LMBR1: variants seen among roughly 807,000 people sequenced by gnomAD.
The protein encoded by LMBR1 is limb region 1 protein homolog.
Under a neutral mutation model 73.9 loss-of-function variants are expected in LMBR1, and 52 were observed. The observed-to-expected ratio is 0.70, with a 90% CI of 0.56 to 0.89. The LOEUF (loss-of-function observed/expected upper bound fraction) is 0.89, where lower values mean the gene tolerates loss of function less well. Ranked by LOEUF, LMBR1 falls within the 40% of genes least tolerant of loss-of-function variation. The pLI is 0.00. For missense variants in LMBR1, 539 were observed against 579.8 expected (o/e 0.93, Z 0.72); for synonymous variants, 215 against 209.4 (o/e 1.03, Z -0.23).
At chr7:156,852,942 CTTTT>C (rs879843032) in intron 1 of LMBR1, among the ~76,000 whole-genome samples, 1 of 144,004 alleles carries the variant, frequency 6.9e-6, no homozygotes, top group South Asian at 2.2e-4. Context: ...ACAAATAATG[CTTTT>C]TTTTTTTTTT....
rs1263044302 is a variant in LMBR1, at chr7:156,681,185, C to T, written c.*2893G>A. The T allele has an allele frequency of 2.2e-6, 1 of 453,932 alleles. No homozygotes were observed. Among genetic ancestry groups the T allele is most frequent in the East Asian group, 7.0e-5 (1 of 14,294 alleles). 28.1% of individuals were successfully genotyped at this position (453,932 alleles called of 1,614,324 possible). ...CCTGTAAATGATGAAAACCTGTGTC[C>T]CTGGCAGACGAGGTCATCACTGAGG... On this transcript the variant is annotated 3_prime_UTR_variant, in exon 17 of 17. Transcript: ENST00000353442.
At chr7:156,759,565 T>C (rs1159039040) in intron 8 of LMBR1, among the ~76,000 whole-genome samples, 2 of 152,212 alleles carry the variant, frequency 1.3e-5, no homozygotes, top group Non-Finnish European at 1.5e-5. Context: ...ATAGTGTTTA[T>C]TGCTAGCATA....
At chr7:156,719,799 G>A (rs1052178722) in intron 15 of LMBR1, among the ~76,000 whole-genome samples, 27 of 152,154 alleles carry the variant, frequency 1.8e-4, no homozygotes, top group East Asian at 1.7e-3. Flanking sequence ...AAATAATGCC[G>A]CATTATCTAC....
chr7:156,870,601 T>C (rs1799130378), intron 1 of LMBR1, among the ~76,000 whole-genome samples: 1 of 151,788 alleles, frequency 6.6e-6, no homozygotes, highest in South Asian at 2.1e-4. Context: ...CCATCTCTAC[T>C]AAAAATACAA....
chr7:156,878,802 C>G (rs953876000), intron 1 of LMBR1, among the ~76,000 whole-genome samples: 5 of 152,162 alleles, frequency 3.3e-5, no homozygotes, highest in African/African-American at 1.2e-4. Flanking sequence ...TGATTTCAAA[C>G]TATACTATAA....
chr7:156,729,474 T>A (rs1168184019), intron 10 of LMBR1, among the ~76,000 whole-genome samples: 2 of 111,324 alleles, frequency 1.8e-5, no homozygotes, highest in Non-Finnish European at 3.5e-5. Flanking sequence ...TCCCTTCTAT[T>A]CTTTTTTTTT....
intron 4 of LMBR1, among the ~76,000 whole-genome samples, chr7:156,818,015 A>G (rs1391209391): frequency 6.6e-6 from 1 of 152,216 alleles, no homozygotes; most frequent in African/African-American, 2.4e-5. Context: ...AATATCCAGT[A>G]ACTATCTTGA....
chr7:156,851,411 G>C (rs991630214), intron 1 of LMBR1, among the ~76,000 whole-genome samples: 3 of 152,162 alleles, frequency 2.0e-5, no homozygotes, highest in African/African-American at 7.2e-5. Flanking sequence ...CCCTTAGCAA[G>C]GGGTAAATAT....
In LMBR1 at chr7:156,808,416, T is replaced by C. The variant is rs1021179928; in HGVS notation, c.320-11924A>G. Among the ~76,000 whole-genome samples the C allele has an allele frequency of 6.2e-4, 95 of 152,288 alleles. 1 individual carries two copies. Among genetic ancestry groups the C allele is most frequent in the Admixed American group, 4.0e-3 (61 of 15,300 alleles). On this transcript the variant is annotated intron_variant, in intron 4 of 16. Coordinates refer to ENST00000353442, the MANE Select transcript of LMBR1 (RefSeq NM_022458.4). ...TATAGCCACTCCAACTTTGCTCTGT[T>C]TAAAATTAGCATGGTGTATCTTTTT... is the stretch of plus-strand genomic sequence containing the variant.
intron 4 of LMBR1, chr7:156,822,967 C>G (rs1021568957): frequency 6.6e-6 from 1 of 151,944 alleles, no homozygotes; most frequent in Admixed American, 6.6e-5. Flanking sequence ...TAAAAATGAT[C>G]TGGGCGTGGT....
rs894079365 is a variant in LMBR1, at chr7:156,893,074, A to G, written c.-81T>C. On this transcript the variant is annotated 5_prime_UTR_variant, in exon 1 of 17. Transcript: ENST00000353442. ...GTCCGCCCGCCGCAGGGGCTCGGAC[A>G]GCCGCGCCGGGGACCGGAGCCGGCA... The G allele has an allele frequency of 6.9e-5, 91 of 1,310,302 alleles. No homozygotes were observed. The highest frequency in any genetic ancestry group is 7.9e-5 in the Non-Finnish European group (81 of 1,028,530). The allele number at this position is 1,310,302 out of a possible 1,614,324, so 81.2% of individuals were successfully genotyped here. A position where few individuals can be genotyped will look rare whatever the true frequency, so the allele number is the denominator to read the frequency against.
intron 4 of LMBR1, among the ~76,000 whole-genome samples, chr7:156,804,412 C>G (rs1831627305): frequency 6.6e-6 from 1 of 152,178 alleles, no homozygotes; most frequent in Non-Finnish European, 1.5e-5. Flanking sequence ...ATACATAGGT[C>G]ATATGGTAGA....
At chr7:156,847,461 A>C (rs1193527879) in intron 1 of LMBR1, among the ~76,000 whole-genome samples, 3 of 152,166 alleles carry the variant, frequency 2.0e-5, no homozygotes, top group Non-Finnish European at 1.5e-5. Flanking sequence ...AAAACTTAAA[A>C]CTTGTGCTCT....
chr7:156,791,452 A>T (rs1443685108), intron 5 of LMBR1, among the ~76,000 whole-genome samples: 2 of 152,182 alleles, frequency 1.3e-5, no homozygotes, highest in East Asian at 3.8e-4. Context: ...GGGGGGAAAA[A>T]GTCATCTGGT....
chr7:156,714,746 C>T (rs1020913422), intron 15 of LMBR1, among the ~76,000 whole-genome samples: 2 of 152,074 alleles, frequency 1.3e-5, no homozygotes, highest in African/African-American at 4.8e-5. Context: ...GGACTCTATA[C>T]ACCAGAAAGG....
At chr7:156,757,142 C>G (rs1822046929) in intron 8 of LMBR1, among the ~76,000 whole-genome samples, 1 of 152,068 alleles carries the variant, frequency 6.6e-6, no homozygotes, top group African/African-American at 2.4e-5. Flanking sequence ...TTTTAAACAG[C>G]CAAAAAGCTA....
chr7:156,728,251 G>A (rs1298425728), intron 11 of LMBR1, among the ~76,000 whole-genome samples: 1 of 152,148 alleles, frequency 6.6e-6, no homozygotes, highest in Admixed American at 6.6e-5. Context: ...TTTACTAAGT[G>A]ATCTCACCAA....
At chr7:156,728,544 G>T in intron 11 of LMBR1, 100 bp downstream of exon 11, 1 of 787,996 alleles carries the variant, frequency 1.3e-6, no homozygotes, top group Non-Finnish European at 2.0e-6. Flanking sequence ...TAGAAAACTA[G>T]TTTATGAAAA....
intron 4 of LMBR1, among the ~76,000 whole-genome samples, chr7:156,811,394 G>C (rs908412404): frequency 6.6e-6 from 1 of 151,598 alleles, no homozygotes; most frequent in Non-Finnish European, 1.5e-5. Context: ...GGTGGATCAC[G>C]AGGTCAAGAG....
Sources: allele counts gnomAD v4.1 joint callset (sites outside exome capture counted in the v4.1 genomes callset), GRCh38; gene constraint gnomAD v4.1.1; transcripts MANE v1.5; gene names NCBI Gene and HGNC (gene_info 2026-07-23, HGNC 2026-07-21).